Variants in SPDYE1 observed in about 807,000 individuals in gnomAD.
SPDYE1 encodes speedy protein E1.
A neutral mutation model predicts 45.9 loss-of-function variants in SPDYE1; 29 were observed. The ratio of observed to expected loss-of-function variants is 0.63; its 90% CI spans 0.47 to 0.86. The LOEUF is 0.86. Among genes scored for constraint, SPDYE1 ranks in the 40% least tolerant of loss-of-function variants. The pLI is 0.00. For synonymous variants in SPDYE1, 134 were observed against 176.8 expected (o/e 0.76, Z 1.92); for missense variants, 346 against 481.4 (o/e 0.72, Z 2.63).
rs58530335 is a variant in SPDYE1, at chr7:43,999,742, GT to G, written c.-199del. ...AGAGATCAGCCTGGCAGTTACATGT[GT>G]TTTTTTTTCAAACTGGTTGCCAGGT... On this transcript the variant is annotated 5_prime_UTR_variant, in exon 2 of 9. It introduces an in-frame stop codon into an upstream open reading frame of the 5' UTR. Transcript: ENST00000693451. Among the ~76,000 whole-genome samples, 1 of 140,840 alleles carries G rather than the reference GT, an allele frequency of 7.1e-6. No individual in the cohort carries two copies. The highest frequency in any genetic ancestry group is 1.5e-5 in the Non-Finnish European group (1 of 64,724). The allele number at this position is 140,840 out of a possible 152,430, so 92.4% of individuals were successfully genotyped here. A position where few individuals can be genotyped will look rare whatever the true frequency, so the allele number is the denominator to read the frequency against.
intron 3 of SPDYE1, among the ~76,000 whole-genome samples, chr7:44,002,319 C>CAA (rs57275170): frequency 0.06 from 2,608 of 43,276 alleles, 226 homozygotes; most frequent in African/African-American, 0.19. Flanking sequence ...ACAACAACAA[C>CAA]AAAAAAAAAA....
At chr7:43,999,332 C>T (rs1240169710) in intron 1 of SPDYE1, among the ~76,000 whole-genome samples, 196 bp from the exon 2 acceptor site, 1 of 152,134 alleles carries the variant, frequency 6.6e-6, no homozygotes, top group African/African-American at 2.4e-5. Context: ...AAACATTCAG[C>T]AGAAAAGCTC....
chr7:43,999,868 C>A lies in SPDYE1; in HGVS notation c.-82C>A. 1 of 959,546 alleles carries A rather than the reference C, an allele frequency of 1.0e-6. No individual in the cohort carries two copies. 59.4% of individuals were successfully genotyped at this position (959,546 alleles called of 1,614,324 possible). A position where few individuals can be genotyped will look rare whatever the true frequency, so the allele number is the denominator to read the frequency against. On this transcript the variant is annotated 5_prime_UTR_variant, in exon 2 of 9. The change creates a new upstream start codon in the 5' untranslated region. Transcript: ENST00000693451. ...GTTGGACAACAGTATCTTCTCAGAG[C>A]TGTTCTCCACTCCTGACTTCTCCTA...
At chr7:44,008,636 T>G (rs1183714348) in intron 8 of SPDYE1, 31 bp from the exon 9 acceptor site, 20 of 1,255,466 alleles carry the variant, frequency 1.6e-5, no homozygotes, top group South Asian at 1.3e-4. Context: ...GCTGCCTCCT[T>G]GAAGTGTGAC....
At chr7:44,000,566 C>A (rs1401127589) in intron 2 of SPDYE1, among the ~76,000 whole-genome samples, 1 of 151,630 alleles carries the variant, frequency 6.6e-6, no homozygotes, top group South Asian at 2.1e-4. Context: ...CCAAGGCAGG[C>A]GGATCACTTG....
At chr7:43,998,772 A>G (rs1039274068) in intron 1 of SPDYE1, among the ~76,000 whole-genome samples, 2 of 137,114 alleles carry the variant, frequency 1.5e-5, no homozygotes, top group Non-Finnish European at 3.1e-5. Context: ...CCTGGGCTCA[A>G]GTGATCTTCC....
At chr7:44,005,664 T>G (rs1585938504) in intron 6 of SPDYE1, among the ~76,000 whole-genome samples, 1 of 134,588 alleles carries the variant, frequency 7.4e-6, no homozygotes, top group Admixed American at 8.0e-5. Flanking sequence ...GGTGACAGAG[T>G]GAGACTTTTT....
chr7:44,003,475 T>C (rs1368209305), intron 4 of SPDYE1, among the ~76,000 whole-genome samples: 1 of 152,280 alleles, frequency 6.6e-6, no homozygotes, highest in Non-Finnish European at 1.5e-5. Flanking sequence ...AACCTAAGTG[T>C]CTCCATCCAT....
intron 6 of SPDYE1, 160 bp downstream of exon 6, chr7:44,005,387 A>G: frequency 8.5e-7 from 1 of 1,181,584 alleles, no homozygotes; most frequent in Non-Finnish European, 1.2e-6. Flanking sequence ...GTTTCTAAAC[A>G]GAAACTCAGG....
In SPDYE1 at chr7:44,009,005, C is replaced by G. The variant is rs1034965654; in HGVS notation, c.*384C>G. On this transcript the variant is annotated 3_prime_UTR_variant, in exon 9 of 9. Transcript: ENST00000693451. ...TCCTGTTTCTTACGGACTTGGTTGC[C>G]ACAGTCCAGGAGCATTTGAAGGCAC... The G allele has an allele frequency of 4.9e-6, 2 of 405,478 alleles. No individual in the cohort carries two copies. Among genetic ancestry groups the G allele is most frequent in the African/African-American group, 4.2e-5 (2 of 48,136 alleles). The allele number at this position is 405,478 out of a possible 1,614,324, so 25.1% of individuals were successfully genotyped here.
At chr7:44,008,406 G>C (rs1221314727) in intron 8 of SPDYE1, among the ~76,000 whole-genome samples, 4 of 152,230 alleles carry the variant, frequency 2.6e-5, no homozygotes, top group Non-Finnish European at 4.4e-5. Context: ...TCCCTGGGCA[G>C]ACCCACCCAA....
chr7:44,005,636 C>A (rs1456805563), intron 6 of SPDYE1, among the ~76,000 whole-genome samples: 2 of 150,862 alleles, frequency 1.3e-5, no homozygotes, highest in Non-Finnish European at 3.0e-5. Flanking sequence ...TAAGGTCGAG[C>A]CACTGCACTC....
Position 44,005,521 on chromosome 7 carries a change from T to C in SPDYE1, c.752+294T>C, listed in dbSNP as rs180794483. 9.3e-4 allele frequency among the ~76,000 whole-genome samples: 142 copies of C among 151,944 alleles called. 2 individuals are homozygous for C. The highest frequency in any genetic ancestry group is 3.3e-3 in the African/African-American group (137 of 41,456). ...GGCCAAACCCCGTCTCTACCAAAAATAGAAAAATTAGCTGGGCGTGGTGGT... is the reference window on the plus strand; with the variant it reads ...GGCCAAACCCCGTCTCTACCAAAAACAGAAAAATTAGCTGGGCGTGGTGGT... On this transcript the variant is annotated intron_variant, in intron 6 of 8. Transcript: ENST00000693451.
chr7:44,005,403 C>T, intron 6 of SPDYE1, 176 bp downstream of exon 6: 1 of 1,044,594 alleles, frequency 9.6e-7, no homozygotes, highest in Non-Finnish European at 1.4e-6. Context: ...TCAGGCTGGG[C>T]ACAGTGGAAT....
intron 4 of SPDYE1, 143 bp from the exon 5 acceptor site, chr7:44,003,710 T>C: frequency 1.6e-6 from 1 of 607,062 alleles, no homozygotes; most frequent in East Asian, 2.7e-5. Flanking sequence ...CCAGTGAAAG[T>C]CATTCTCCCC....
In SPDYE1 at chr7:44,001,658, G is replaced by C. The variant is rs536781223; in HGVS notation, c.379+374G>C. ...GACAGAGCAAAACCCTGTGTCAAAA[G>C]AAAAACGAAGGCCGGGTGTGGTAGC... On this transcript the variant is annotated intron_variant, in intron 3 of 8. Transcript: ENST00000693451. Among the ~76,000 whole-genome samples the C allele has an allele frequency of 4.5e-4, 69 of 152,140 alleles. 1 individual carries two copies. In the East Asian group the frequency reaches 0.012, roughly 27 times the overall value.
chr7:44,003,585 CT>C (rs1277741108), intron 4 of SPDYE1, among the ~76,000 whole-genome samples: 1 of 151,262 alleles, frequency 6.6e-6, no homozygotes, highest in Non-Finnish European at 1.5e-5. Context: ...CCCTCCGTGT[CT>C]GCTGGAGGGG....
chr7:44,004,062 G>T (rs1437638321), intron 5 of SPDYE1, 151 bp downstream of exon 5: 26 of 1,299,886 alleles, frequency 2.0e-5, no homozygotes, highest in Non-Finnish European at 2.7e-5. Flanking sequence ...GTGAGACAGA[G>T]TCTTGCTCTG....
intron 2 of SPDYE1, among the ~76,000 whole-genome samples, 155 bp downstream of exon 2, chr7:44,000,264 A>G (rs1356916345): frequency 6.6e-6 from 1 of 150,980 alleles, no homozygotes; most frequent in Non-Finnish European, 1.5e-5. Context: ...CCTGGCCAAT[A>G]TGGTGAAACC....
Sources: allele counts gnomAD v4.1 joint callset (sites outside exome capture counted in the v4.1 genomes callset), GRCh38; gene constraint gnomAD v4.1.1; transcripts MANE v1.5; gene names NCBI Gene and HGNC (gene_info 2026-07-23, HGNC 2026-07-21).